Variants in SNX8 observed in about 807,000 individuals in gnomAD.
SNX8 encodes sorting nexin-8.
In SNX8, 25 loss-of-function variants were observed where a neutral mutation model predicts 51.6. The observed-to-expected ratio is 0.48, with a 90% confidence interval of 0.35 to 0.68. The LOEUF (loss-of-function observed/expected upper bound fraction) is 0.68. Ranked by LOEUF, SNX8 falls within the 30% of genes least tolerant of loss-of-function variation. The probability of loss-of-function intolerance (pLI) is 0.00; values close to 1 mark genes in which losing one functional copy is unlikely to be tolerated. For synonymous variants in SNX8, 324 were observed against 277.0 expected, an observed-to-expected ratio of 1.17 and a Z score of -1.68; for missense variants, 695 against 624.0, an observed-to-expected ratio of 1.11 and a Z score of -1.21.
chr7:2,307,204 T>C (rs535744812), intron 1 of SNX8, among the ~76,000 whole-genome samples: 6 of 152,044 alleles, frequency 3.9e-5, no homozygotes, highest in Non-Finnish European at 7.3e-5. Flanking sequence ...CTACCTGATA[T>C]TTTAATGCCA....
intron 5 of SNX8, 31 bp downstream of exon 5, chr7:2,269,523 TAAAAA>T: frequency 4.5e-6 from 4 of 893,714 alleles, no homozygotes; most frequent in Admixed American, 7.3e-5. Context: ...AAAAATAAAT[TAAAAA>T]AAAAAAAAAA....
At chr7:2,266,748 T>C (rs1034857436) in intron 5 of SNX8, among the ~76,000 whole-genome samples, 3 of 152,064 alleles carry the variant, frequency 2.0e-5, no homozygotes, top group African/African-American at 7.2e-5. Flanking sequence ...CTCAAACTCC[T>C]GACCTCAAGT....
At position 2,254,878 on chromosome 7, in the gene SNX8, C is replaced by T; in HGVS notation, c.*178G>A. 1 of 624,614 alleles carries T rather than the reference C, an allele frequency of 1.6e-6. No homozygotes were observed. The highest frequency in any genetic ancestry group is 2.9e-6 in the Non-Finnish European group (1 of 343,576). The allele number at this position is 624,614 out of a possible 1,614,324, so 38.7% of individuals were successfully genotyped here. On this transcript the variant is annotated 3_prime_UTR_variant, in exon 11 of 11. Coordinates refer to ENST00000222990, the MANE Select transcript of SNX8 (RefSeq NM_013321.4). Reference sequence around the variant, plus strand: ...CAGGGCGAAGGACAGTGTGGCCCAGCTGCCCCCATGGTCCACGGATGCGCC... The same window carrying T: ...CAGGGCGAAGGACAGTGTGGCCCAGTTGCCCCCATGGTCCACGGATGCGCC...
intron 7 of SNX8, among the ~76,000 whole-genome samples, chr7:2,258,835 C>A (rs966509501): frequency 2.9e-4 from 44 of 152,210 alleles, no homozygotes; most frequent in African/African-American, 7.7e-4. Context: ...GAGAGCCCAA[C>A]AGGGCAGTGA....
At chr7:2,352,403 A>G (rs1348359411) in intron 1 of SNX8, among the ~76,000 whole-genome samples, 1 of 152,120 alleles carries the variant, frequency 6.6e-6, no homozygotes, top group African/African-American at 2.4e-5. Flanking sequence ...AATGAAGAAA[A>G]TTTGACAGAG....
At chr7:2,322,966 G>A (rs544661272) in intron 1 of SNX8, among the ~76,000 whole-genome samples, 9 of 151,286 alleles carry the variant, frequency 5.9e-5, no homozygotes, top group South Asian at 2.1e-4. Flanking sequence ...GCAGTAAGCC[G>A]AGATCTTGCT....
intron 1 of SNX8, among the ~76,000 whole-genome samples, chr7:2,289,127 C>T (rs748755932): frequency 2.0e-5 from 3 of 152,188 alleles, no homozygotes; most frequent in Non-Finnish European, 2.9e-5. Context: ...CTGTTGTGCA[C>T]GTGGCTGTGG....
intron 6 of SNX8, 138 bp downstream of exon 6, chr7:2,264,160 C>A (rs1056322971): frequency 3.8e-6 from 3 of 783,152 alleles, no homozygotes; most frequent in African/African-American, 3.5e-5. Flanking sequence ...TGTGCCTGAG[C>A]CACTTTCTGC....
At chr7:2,339,269 G>A (rs758484887) in intron 1 of SNX8, among the ~76,000 whole-genome samples, 49 of 151,922 alleles carry the variant, frequency 3.2e-4, no homozygotes, top group Admixed American at 6.6e-4. Context: ...GCAGCGGCAC[G>A]ATCTCGGCTC....
chr7:2,295,617 A>G (rs1796257698), intron 1 of SNX8, among the ~76,000 whole-genome samples: 1 of 144,676 alleles, frequency 6.9e-6, no homozygotes, highest in Non-Finnish European at 1.5e-5. Flanking sequence ...AAAAAAAAAA[A>G]AGGAAATGTG....
Position 2,263,263 on chromosome 7 carries a change from T to C in SNX8, c.882A>G (p.Glu294=). The change falls in exon 7 of 11, where the codon GAA becomes GAG. Residue 294 remains glutamate, a synonymous_variant. Coordinates refer to ENST00000222990, the MANE Select transcript of SNX8 (RefSeq NM_013321.4). ...LKQALKGLSV[E]FALLADKAAQ... Reference sequence around the variant, plus strand: ...CAGCCTTGTCGGCGAGCAGCGCGAATTCCACAGACAGGCCTTTCAGAGCCT... The same window carrying C: ...CAGCCTTGTCGGCGAGCAGCGCGAACTCCACAGACAGGCCTTTCAGAGCCT... 1 of 1,613,930 alleles carries C rather than the reference T, an allele frequency of 6.2e-7. No individual in the cohort carries two copies. Among genetic ancestry groups the C allele is most frequent in the Non-Finnish European group, 8.5e-7 (1 of 1,180,012 alleles).
chr7:2,326,431 C>T (rs1054560731), intron 1 of SNX8, among the ~76,000 whole-genome samples: 2 of 151,902 alleles, frequency 1.3e-5, no homozygotes, highest in Admixed American at 6.6e-5. Context: ...TTTGGAAGGC[C>T]AAGGCGGGCA....
chr7:2,296,388 G>A (rs1346444946), intron 1 of SNX8, among the ~76,000 whole-genome samples: 1 of 151,986 alleles, frequency 6.6e-6, no homozygotes, highest in Non-Finnish European at 1.5e-5. Flanking sequence ...CTTGGTCGCT[G>A]CTGGCAGATA....
intron 1 of SNX8, among the ~76,000 whole-genome samples, chr7:2,346,590 C>CA (rs1361418308): frequency 2.6e-5 from 4 of 151,142 alleles, no homozygotes; most frequent in East Asian, 3.9e-4. Flanking sequence ...TACTAAAATA[C>CA]AAAAAATTAG....
intron 1 of SNX8, among the ~76,000 whole-genome samples, chr7:2,284,121 G>T (rs6957272): frequency 0.11 from 17,196 of 152,064 alleles, 2,516 homozygotes; most frequent in African/African-American, 0.34. Flanking sequence ...GTAGAGATGG[G>T]GTTTCACCAT....
chr7:2,299,906 G>T (rs1011799031), intron 1 of SNX8, among the ~76,000 whole-genome samples: 3 of 152,132 alleles, frequency 2.0e-5, no homozygotes, highest in Admixed American at 2.0e-4. Flanking sequence ...GGCCAAGTGA[G>T]ATACAATTAA....
At chr7:2,266,654 G>T (rs1795471674) in intron 5 of SNX8, among the ~76,000 whole-genome samples, 1 of 151,880 alleles carries the variant, frequency 6.6e-6, no homozygotes, top group Non-Finnish European at 1.5e-5. Context: ...CGGTTTTTTG[G>T]GGTTTGTTTT....
In SNX8 at chr7:2,257,007, T is replaced by C. The variant is rs779694460; in HGVS notation, c.1151A>G (p.Gln384Arg). 4 of 1,606,996 alleles carry C rather than the reference T, an allele frequency of 2.5e-6. No homozygotes were observed. The highest frequency in any genetic ancestry group is 3.4e-6 in the Non-Finnish European group (4 of 1,175,772). Reference protein sequence around the residue: ...SRIVEQENAIQTMELRNYFSL... With the variant: ...SRIVEQENAIRTMELRNYFSL... ...GAAGTAGTTCCGCAGCTCCATCGTC[T>C]GAATCGCGTTCTCCTGCTGCGGAGC... The change falls in exon 10 of 11, where the codon CAG (glutamine) becomes CGG (arginine). Residue 384 changes from glutamine (Q) to arginine (R), a missense_variant. By Grantham distance (43) the Gln-to-Arg change is conservative. Coordinates refer to ENST00000222990, the MANE Select transcript of SNX8 (RefSeq NM_013321.4).
chr7:2,336,643 G>C (rs1274528237), intron 1 of SNX8, among the ~76,000 whole-genome samples: 1 of 151,974 alleles, frequency 6.6e-6, no homozygotes, highest in Non-Finnish European at 1.5e-5. Context: ...GGGAGGCGGA[G>C]GTTGCAGTGA....
Sources: gnomAD v4.1 joint callset for allele counts (sites outside exome capture counted in the v4.1 genomes callset) on GRCh38, gnomAD v4.1.1 for gene constraint, MANE v1.5 for transcripts, NCBI Gene and HGNC (gene_info 2026-07-23, HGNC 2026-07-21) for gene names.